UVRAG: variants seen among roughly 807,000 people sequenced by gnomAD.
UVRAG encodes the protein UV radiation resistance-associated gene protein.
Under a neutral mutation model 78.0 loss-of-function variants are expected in UVRAG, and 19 were observed. The ratio of observed to expected loss-of-function variants is 0.24; its 90% CI spans 0.17 to 0.36. The LOEUF is 0.36. UVRAG is among the 10% of genes least tolerant of loss of function. UVRAG has a pLI of 1.00. For synonymous variants in UVRAG, 323 were observed against 324.6 expected (o/e 1.00, Z 0.05); for missense variants, 740 against 853.8 (o/e 0.87, Z 1.66).
chr11:75,892,398 G>C (rs1003830922), intron 5 of UVRAG: 1 of 985,248 alleles, frequency 1.0e-6, no homozygotes, highest in South Asian at 4.7e-5. Flanking sequence ...TGCAGAGTAA[G>C]TGTTTCCCTC....
intron 12 of UVRAG, among the ~76,000 whole-genome samples, chr11:76,062,897 A>T (rs1211971188): frequency 6.6e-6 from 1 of 151,662 alleles, no homozygotes; most frequent in South Asian, 2.1e-4. Flanking sequence ...AAATACTTTC[A>T]CTCCCAGAAC....
chr11:76,139,005 T>G (rs1047381706), intron 14 of UVRAG, among the ~76,000 whole-genome samples: 3 of 152,244 alleles, frequency 2.0e-5, no homozygotes, highest in Admixed American at 1.3e-4. Context: ...GATTTTGCCC[T>G]GTTTTGTTTT....
At chr11:76,016,316 A>G (rs1336252484) in intron 11 of UVRAG, among the ~76,000 whole-genome samples, 2 of 152,304 alleles carry the variant, frequency 1.3e-5, no homozygotes, top group South Asian at 4.1e-4. Flanking sequence ...TTCAATATCA[A>G]GAACATACCC....
intron 1 of UVRAG, among the ~76,000 whole-genome samples, chr11:75,839,356 A>G (rs1342936280): frequency 6.6e-6 from 1 of 152,086 alleles, no homozygotes; most frequent in Non-Finnish European, 1.5e-5. Flanking sequence ...GCTTCTGAAT[A>G]TCATTTTTAG....
At position 76,090,334 on chromosome 11, in the gene UVRAG, C is replaced by G. The variant is rs534141457; in HGVS notation, c.1305+24546C>G. Among the ~76,000 whole-genome samples, 182 of 152,280 alleles carry G rather than the reference C, an allele frequency of 1.2e-3. 1 individual carries two copies. Among genetic ancestry groups the G allele is most frequent in the African/African-American group, 4.1e-3 (172 of 41,548 alleles). On this transcript the variant is annotated intron_variant, in intron 13 of 14. Coordinates refer to ENST00000356136, the MANE Select transcript of UVRAG (RefSeq NM_003369.4). ...AGACTGTATACATATTAGCCTACTA[C>G]GCCTGCTTGTGCTTCCCCTTCATGA... is the stretch of plus-strand genomic sequence containing the variant.
intron 14 of UVRAG, among the ~76,000 whole-genome samples, chr11:76,119,354 C>T (rs1335408295): frequency 6.6e-6 from 1 of 152,076 alleles, no homozygotes; most frequent in Non-Finnish European, 1.5e-5. Flanking sequence ...TCCTCCGCCT[C>T]CTCTCTACCC....
rs1178515943 is a variant in UVRAG at position 75,877,750 on chromosome 11, T to A, written c.271-2129T>A. 3.1e-5 allele frequency among the ~76,000 whole-genome samples: 4 copies of A among 129,018 alleles called. 1 individual carries two copies. The highest frequency in any genetic ancestry group is 6.6e-5 in the Non-Finnish European group (4 of 60,948). 84.6% of individuals were successfully genotyped at this position (129,018 alleles called of 152,430 possible). ...CGGGCGGGGGGCTGACCCCCCCACT[T>A]CCCTCCCGGACGGAGCGGCTGGCCA... On this transcript the variant is annotated intron_variant, in intron 3 of 14. Transcript: ENST00000356136.
chr11:75,879,081 GAGA>G, intron 3 of UVRAG, among the ~76,000 whole-genome samples: 1 of 152,176 alleles, frequency 6.6e-6, no homozygotes, highest in South Asian at 2.1e-4. Context: ...TTCTCTTAAT[GAGA>G]AATAATGTTC....
chr11:76,053,422 T>C (rs1318355291), intron 12 of UVRAG, among the ~76,000 whole-genome samples: 1 of 152,048 alleles, frequency 6.6e-6, no homozygotes, highest in Non-Finnish European at 1.5e-5. Context: ...CGTTTCTCAA[T>C]TGAGAAACGA....
At chr11:75,826,997 T>C (rs1264788733) in intron 1 of UVRAG, among the ~76,000 whole-genome samples, 1 of 152,184 alleles carries the variant, frequency 6.6e-6, no homozygotes, top group Non-Finnish European at 1.5e-5. Flanking sequence ...CTGGCGTTTT[T>C]TCCTACTGTG....
chr11:76,006,660 CAAAAAAAAAA>C (rs762221601), intron 9 of UVRAG, among the ~76,000 whole-genome samples: 11 of 62,372 alleles, frequency 1.8e-4, no homozygotes, highest in Admixed American at 7.5e-4. Context: ...GACCCCGTCT[CAAAAAAAAAA>C]AAAAAAAAAA....
Position 75,960,004 on chromosome 11 carries a change from T to C in UVRAG, c.594-1440T>C, listed in dbSNP as rs1948879944. On this transcript the variant is annotated intron_variant, in intron 6 of 14. Coordinates refer to ENST00000356136, the MANE Select transcript of UVRAG (RefSeq NM_003369.4). ...TATCTTATACGGGTACAGCTCGTGG[T>C]GCTCCAAAATAACTATAATAGCAAC... Among the ~76,000 whole-genome samples the C allele has an allele frequency of 3.3e-5, 5 of 152,288 alleles. No individual in the cohort carries two copies. In the South Asian group the frequency reaches 1.0e-3, roughly 32 times the overall value.
intron 14 of UVRAG, among the ~76,000 whole-genome samples, chr11:76,126,868 A>G (rs1485721580): frequency 6.6e-6 from 1 of 152,090 alleles, no homozygotes; most frequent in Non-Finnish European, 1.5e-5. Flanking sequence ...ACTGCACACA[A>G]ATACCGTATT....
chr11:76,142,930 A>C lies in UVRAG; in HGVS notation c.*1517A>C, dbSNP rs997571067. ...GGGCTCAAGTTTAATGTATAGCTAC[A>C]TTGTTGTTTTCCATGTAGAGAACTC... is the stretch of plus-strand genomic sequence containing the variant. On this transcript the variant is annotated 3_prime_UTR_variant, in exon 15 of 15. Transcript: ENST00000356136. 1 of 152,260 alleles carries C rather than the reference A, an allele frequency of 6.6e-6. No homozygotes were observed. The highest frequency in any genetic ancestry group is 2.4e-5 in the African/African-American group (1 of 41,450). 9.4% of individuals were successfully genotyped at this position (152,260 alleles called of 1,614,324 possible). A position where few individuals can be genotyped will look rare whatever the true frequency, so the allele number is the denominator to read the frequency against.
chr11:76,045,500 A>G (rs1456407961), intron 12 of UVRAG, among the ~76,000 whole-genome samples: 3 of 152,248 alleles, frequency 2.0e-5, no homozygotes, highest in African/African-American at 7.2e-5. Flanking sequence ...AGGGATAAAT[A>G]AAAATCAATA....
At chr11:75,902,271 G>A (rs910279542) in intron 5 of UVRAG, among the ~76,000 whole-genome samples, 12 of 152,174 alleles carry the variant, frequency 7.9e-5, no homozygotes, top group Non-Finnish European at 1.6e-4. Flanking sequence ...TTCCAGGGAC[G>A]GGAGTGGGGA....
chr11:75,996,614 G>A (rs1016962625), intron 8 of UVRAG, among the ~76,000 whole-genome samples: 3 of 152,170 alleles, frequency 2.0e-5, no homozygotes, highest in African/African-American at 7.2e-5. Flanking sequence ...TTTATACAGA[G>A]GCATGGAGGT....
chr11:75,843,183 T>C (rs1945953596), intron 1 of UVRAG, among the ~76,000 whole-genome samples: 1 of 152,186 alleles, frequency 6.6e-6, no homozygotes, highest in South Asian at 2.1e-4. Flanking sequence ...GAAAATGGCT[T>C]TGAGTTCTGT....
chr11:75,857,991 C>T (rs1946332564), intron 2 of UVRAG, among the ~76,000 whole-genome samples: 1 of 152,034 alleles, frequency 6.6e-6, no homozygotes, highest in Non-Finnish European at 1.5e-5. Context: ...TATTGTATGT[C>T]TCTTCCCACT....
Sources: gnomAD v4.1 joint callset for allele counts (sites outside exome capture counted in the v4.1 genomes callset) on GRCh38, gnomAD v4.1.1 for gene constraint, MANE v1.5 for transcripts, NCBI Gene and HGNC (gene_info 2026-07-23, HGNC 2026-07-21) for gene names.